Variants in WNT7A observed in about 807,000 individuals in gnomAD.
WNT7A encodes the protein protein Wnt-7a.
In WNT7A, 16 loss-of-function variants were observed where a neutral mutation model predicts 28.2. The ratio of observed to expected loss-of-function variants is 0.57; its 90% CI spans 0.38 to 0.86. WNT7A has a LOEUF of 0.86. WNT7A is among the 40% of genes least tolerant of loss of function. The pLI is 0.00. For missense variants in WNT7A, 411 were observed against 489.7 expected (o/e 0.84, Z 1.52); for synonymous variants, 190 against 195.9 (o/e 0.97, Z 0.25).
intron 2 of WNT7A, among the ~76,000 whole-genome samples, chr3:13,873,106 C>A (rs939088780): frequency 2.0e-5 from 3 of 152,036 alleles, no homozygotes; most frequent in Non-Finnish European, 4.4e-5. Flanking sequence ...GATTAAGCAA[C>A]CTAAACTGGA....
chr3:13,856,394 A>G (rs1374133877), intron 2 of WNT7A, among the ~76,000 whole-genome samples: 1 of 152,244 alleles, frequency 6.6e-6, no homozygotes, highest in Non-Finnish European at 1.5e-5. Flanking sequence ...CACAAACATG[A>G]AACTTGGCAC....
At chr3:13,851,885 G>A (rs1465978307) in intron 3 of WNT7A, among the ~76,000 whole-genome samples, 1 of 152,190 alleles carries the variant, frequency 6.6e-6, no homozygotes, top group African/African-American at 2.4e-5. Flanking sequence ...CAAAGGCCCC[G>A]AAATGCCAAT....
At chr3:13,866,190 G>T (rs1462094636) in intron 2 of WNT7A, among the ~76,000 whole-genome samples, 1 of 152,246 alleles carries the variant, frequency 6.6e-6, no homozygotes, top group Admixed American at 6.5e-5. Context: ...CACCTCCACA[G>T]GGACTGTGCC....
intron 2 of WNT7A, among the ~76,000 whole-genome samples, chr3:13,859,472 T>C (rs1405265195): frequency 6.6e-6 from 1 of 152,220 alleles, no homozygotes; most frequent in Non-Finnish European, 1.5e-5. Flanking sequence ...ATTATAATTA[T>C]AATAATTGAT....
intron 3 of WNT7A, among the ~76,000 whole-genome samples, chr3:13,828,092 G>A (rs188265485): frequency 2.0e-5 from 3 of 151,928 alleles, no homozygotes; most frequent in South Asian, 2.1e-4. Flanking sequence ...CCTAGCCCCC[G>A]AAACTGAAGT....
intron 3 of WNT7A, among the ~76,000 whole-genome samples, chr3:13,824,826 T>A (rs1374585707): frequency 6.6e-6 from 1 of 152,226 alleles, no homozygotes; most frequent in African/African-American, 2.4e-5. Flanking sequence ...GTGCAAGATG[T>A]CAAAGAGCCT....
chr3:13,863,823 CT>C (rs1316877713), intron 2 of WNT7A: 1 of 152,184 alleles, frequency 6.6e-6, no homozygotes, highest in African/African-American at 2.4e-5. Context: ...TCTCACAGCC[CT>C]AGATGGGTAA....
At chr3:13,856,654 C>T (rs1033747074) in intron 2 of WNT7A, among the ~76,000 whole-genome samples, 2 of 151,964 alleles carry the variant, frequency 1.3e-5, no homozygotes, top group East Asian at 3.9e-4. Flanking sequence ...TCTGTCTTTG[C>T]TAAAAATACA....
intron 2 of WNT7A, among the ~76,000 whole-genome samples, chr3:13,856,899 G>GAAGAAGAAA (rs1694743924): frequency 2.1e-5 from 1 of 46,516 alleles, no homozygotes; most frequent in African/African-American, 8.5e-5. Context: ...AGAAAAAGAA[G>GAAGAAGAAA]AAGAAGAAGA....
At chr3:13,842,846 G>T (rs77229188) in intron 3 of WNT7A, among the ~76,000 whole-genome samples, 14,240 of 152,192 alleles carry the variant, frequency 0.094, 852 homozygotes, top group Middle Eastern at 0.2. Context: ...ACTTGTGTTC[G>T]GGAGGCAGGT....
intron 3 of WNT7A, among the ~76,000 whole-genome samples, chr3:13,827,209 G>A (rs1694209400): frequency 6.6e-6 from 1 of 152,190 alleles, no homozygotes; most frequent in African/African-American, 2.4e-5. Context: ...AAGCTCACCA[G>A]GGTTCAAGAG....
At chr3:13,853,633 A>G (rs891581151) in intron 3 of WNT7A, among the ~76,000 whole-genome samples, 1 of 152,170 alleles carries the variant, frequency 6.6e-6, no homozygotes, top group Non-Finnish European at 1.5e-5. Flanking sequence ...GACAGTTCCC[A>G]GTGTCTGTGT....
intron 3 of WNT7A, among the ~76,000 whole-genome samples, chr3:13,820,473 G>A (rs1264638353): frequency 6.6e-6 from 1 of 151,928 alleles, no homozygotes; most frequent in East Asian, 1.9e-4. Flanking sequence ...TCTGAGGCAA[G>A]GGGCTTGGAG....
intron 3 of WNT7A, among the ~76,000 whole-genome samples, chr3:13,832,625 G>A (rs981056647): frequency 3.3e-5 from 5 of 151,342 alleles, no homozygotes; most frequent in African/African-American, 1.2e-4. Flanking sequence ...ACCTCTGGGC[G>A]ACTCAGATGA....
chr3:13,876,685 G>A (rs1244509403), intron 1 of WNT7A, among the ~76,000 whole-genome samples: 1 of 152,066 alleles, frequency 6.6e-6, no homozygotes, highest in African/African-American at 2.4e-5. Context: ...CGTTTCCCTA[G>A]GCTCCTGCCA....
At position 13,833,382 on chromosome 3, in the gene WNT7A, C is replaced by A. The variant is rs187218170; in HGVS notation, c.571-13959G>T. Among the ~76,000 whole-genome samples, 72 of 152,346 alleles carry A rather than the reference C, an allele frequency of 4.7e-4. No individual in the cohort carries two copies. The East Asian group carries it at 0.012, about 24-fold the overall frequency. ...CCCGGCACACAAGCGCACACACACACACCCTCAAACATGAAGGGAGCCCAT... is the reference window on the plus strand; with the variant it reads ...CCCGGCACACAAGCGCACACACACAAACCCTCAAACATGAAGGGAGCCCAT... On this transcript the variant is annotated intron_variant, in intron 3 of 3. Coordinates refer to ENST00000285018, the MANE Select transcript of WNT7A (RefSeq NM_004625.4).
intron 3 of WNT7A, among the ~76,000 whole-genome samples, chr3:13,843,079 T>C (rs1269710105): frequency 6.6e-6 from 1 of 152,142 alleles, no homozygotes; most frequent in Non-Finnish European, 1.5e-5. Flanking sequence ...CCCTGCTCAG[T>C]GCAGCAAAAA....
At chr3:13,855,834 C>T (rs1694720168) in intron 2 of WNT7A, among the ~76,000 whole-genome samples, 1 of 152,108 alleles carries the variant, frequency 6.6e-6, no homozygotes, top group Non-Finnish European at 1.5e-5. Context: ...AAGAAGAGGC[C>T]CTGGAACCCA....
intron 3 of WNT7A, among the ~76,000 whole-genome samples, chr3:13,821,841 CT>C (rs1694115032): frequency 6.6e-6 from 1 of 152,222 alleles, no homozygotes; most frequent in African/African-American, 2.4e-5. Flanking sequence ...CAATATTCTG[CT>C]CCTTGATATG....
Sources: gnomAD v4.1 joint callset for allele counts (sites outside exome capture counted in the v4.1 genomes callset) on GRCh38, gnomAD v4.1.1 for gene constraint, MANE v1.5 for transcripts, NCBI Gene and HGNC (gene_info 2026-07-23, HGNC 2026-07-21) for gene names.